Variants in PHF20 observed in about 807,000 individuals in gnomAD.
The protein encoded by PHF20 is glioma-expressed antigen 2.
Under a neutral mutation model 113.5 loss-of-function variants are expected in PHF20, and 23 were observed. That is an observed-to-expected ratio of 0.20 (90% confidence interval 0.15 to 0.29). The LOEUF (loss-of-function observed/expected upper bound fraction) is 0.29. Among genes scored for constraint, PHF20 ranks in the 10% least tolerant of loss-of-function variants. PHF20 has a pLI of 1.00. For missense variants in PHF20, 943 were observed against 1,219.6 expected (o/e 0.77, Z 3.38); for synonymous variants, 434 against 457.3 (o/e 0.95, Z 0.65).
At chr20:35,942,827 CTTTCT>C (rs1215089614) in intron 17 of PHF20, among the ~76,000 whole-genome samples, 4 of 151,866 alleles carry the variant, frequency 2.6e-5, no homozygotes, top group African/African-American at 9.7e-5. Flanking sequence ...AGCTTTCTTT[CTTTCT>C]TTTTTTTTTG....
chr20:35,780,133 A>T (rs772957176), intron 1 of PHF20, among the ~76,000 whole-genome samples: 20 of 151,886 alleles, frequency 1.3e-4, no homozygotes, highest in Non-Finnish European at 2.6e-4. Flanking sequence ...TCCCCTAGAA[A>T]TTTGAGTAAG....
chr20:35,803,268 GAAAAAA>G (rs2041817888), intron 2 of PHF20, among the ~76,000 whole-genome samples: 2 of 145,060 alleles, frequency 1.4e-5, no homozygotes, highest in African/African-American at 2.5e-5. Flanking sequence ...AAAAAAAAAA[GAAAAAA>G]GAAAAAATAA....
At chr20:35,774,248 C>G (rs2041127025) in intron 1 of PHF20, among the ~76,000 whole-genome samples, 1 of 151,980 alleles carries the variant, frequency 6.6e-6, no homozygotes, top group Admixed American at 6.6e-5. Context: ...CCGCGCCCGT[C>G]TAATTTTTTT....
At chr20:35,789,608 G>A (rs1428038144) in intron 1 of PHF20, among the ~76,000 whole-genome samples, 1 of 149,540 alleles carries the variant, frequency 6.7e-6, no homozygotes, top group African/African-American at 2.5e-5. Flanking sequence ...GTGCAGTGGC[G>A]GGATCTCGGC....
chr20:35,891,371 T>A (rs1386235577), intron 9 of PHF20, among the ~76,000 whole-genome samples: 1 of 135,462 alleles, frequency 7.4e-6, no homozygotes, highest in East Asian at 2.1e-4. Flanking sequence ...AGAGAGACTC[T>A]ATGTCAAAAA....
At chr20:35,860,098 T>C (rs2054191484) in intron 5 of PHF20, among the ~76,000 whole-genome samples, 1 of 152,128 alleles carries the variant, frequency 6.6e-6, no homozygotes, top group African/African-American at 2.4e-5. Context: ...TTTGTATTTT[T>C]AGTAGACGGG....
chr20:35,904,409 C>G (rs1276936699), intron 10 of PHF20, among the ~76,000 whole-genome samples: 1 of 151,404 alleles, frequency 6.6e-6, no homozygotes, highest in African/African-American at 2.4e-5. Context: ...CTCAGCCTCC[C>G]AAATAGCTGG....
chr20:35,832,865 T>C (rs976147364), intron 2 of PHF20, among the ~76,000 whole-genome samples: 2 of 152,036 alleles, frequency 1.3e-5, no homozygotes, highest in Admixed American at 1.3e-4. Flanking sequence ...CTGGCCAACA[T>C]AGTGAAACCC....
intron 17 of PHF20, among the ~76,000 whole-genome samples, chr20:35,942,143 G>T (rs1170693352): frequency 6.6e-6 from 1 of 151,958 alleles, no homozygotes; most frequent in African/African-American, 2.4e-5. Context: ...AAGTGTAGGG[G>T]TGTAGTCCCA....
Position 35,838,981 on chromosome 20 carries a change from G to A in PHF20, c.84-3592G>A, listed in dbSNP as rs74822926. On this transcript the variant is annotated intron_variant, in intron 2 of 17. Transcript: ENST00000374012. ...TGCACTCCAGCCTGGGAAACAGAGC[G>A]AGACCCTGTCTCAAAAAAAAAAAAA... is the stretch of plus-strand genomic sequence containing the variant. 3.1e-3 allele frequency among the ~76,000 whole-genome samples: 454 copies of A among 147,570 alleles called. 3 individuals carry two copies. The East Asian group carries it at 0.039, about 13-fold the overall frequency.
At chr20:35,803,704 GTATA>G (rs59158403) in intron 2 of PHF20, among the ~76,000 whole-genome samples, 1 of 149,700 alleles carries the variant, frequency 6.7e-6, no homozygotes, top group Non-Finnish European at 1.5e-5. Context: ...GTGTGTGTGT[GTATA>G]TATATAATAT....
intron 10 of PHF20, among the ~76,000 whole-genome samples, chr20:35,901,051 A>G (rs2055085827): frequency 6.6e-6 from 1 of 152,094 alleles, no homozygotes; most frequent in African/African-American, 2.4e-5. Flanking sequence ...GTGGTTATAC[A>G]GGTGTGTTCA....
At position 35,938,836 on chromosome 20, in the gene PHF20, G is replaced by A. The variant is rs553756514; in HGVS notation, c.2440G>A (p.Gly814Arg). 1.2e-4 allele frequency: 192 copies of A among 1,614,166 alleles called. 4 individuals carry two copies. The South Asian group carries it at 1.9e-3, about 16-fold the overall frequency. ...EEAPSYRTLN[G>R]AVEKPRPLAL... is the part of the protein sequence containing the mutation. ...AGCTCCAAGCTATAGAACTTTGAAC[G>A]GGGCAGTGGAGAAGCCCAGGCCCCT... is the stretch of plus-strand genomic sequence containing the variant. Residue 814 changes from glycine (G) to arginine (R), a missense_variant, in exon 16 of 18, where the codon GGG becomes AGG. By Grantham distance (125) the Gly-to-Arg change is moderately radical. Coordinates refer to ENST00000374012, the MANE Select transcript of PHF20 (RefSeq NM_016436.5).
chr20:35,820,155 AAT>A (rs1198506637), intron 2 of PHF20, among the ~76,000 whole-genome samples: 1 of 152,178 alleles, frequency 6.6e-6, no homozygotes, highest in Non-Finnish European at 1.5e-5. Context: ...CCTGAAATTA[AAT>A]ATATTATGAG....
At chr20:35,877,563 T>C (rs112146116) in intron 9 of PHF20, among the ~76,000 whole-genome samples, 7,227 of 150,994 alleles carry the variant, frequency 0.048, 231 homozygotes, top group African/African-American at 0.098. Flanking sequence ...GATTCTCCTG[T>C]CTCAGCCTCC....
At chr20:35,944,356 C>T (rs1481916496) in intron 17 of PHF20, among the ~76,000 whole-genome samples, 1 of 152,082 alleles carries the variant, frequency 6.6e-6, no homozygotes, top group African/African-American at 2.4e-5. Context: ...CCAGTCTGAG[C>T]GTTGGTGCGC....
rs1158054800 is a variant in PHF20, at chr20:35,947,796, C to T, written c.*169C>T. The T allele has an allele frequency of 8.0e-6, 5 of 628,064 alleles. No homozygotes were observed. Among genetic ancestry groups the T allele is most frequent in the Middle Eastern group, 4.5e-4 (1 of 2,236 alleles). The allele number at this position is 628,064 out of a possible 1,614,324, so 38.9% of individuals were successfully genotyped here. A position where few individuals can be genotyped will look rare whatever the true frequency, so the allele number is the denominator to read the frequency against. On this transcript the variant is annotated 3_prime_UTR_variant, in exon 18 of 18. Coordinates refer to ENST00000374012, the MANE Select transcript of PHF20 (RefSeq NM_016436.5). Reference sequence around the variant, plus strand: ...TTGGACAAAGAGGCCATTTTGGCTGCGGGAGGACACTCTGATCTCGAAGCC... The same window carrying T: ...TTGGACAAAGAGGCCATTTTGGCTGTGGGAGGACACTCTGATCTCGAAGCC...
In PHF20 at chr20:35,866,787, G is replaced by A. The variant is rs2054327356; in HGVS notation, c.809-2651G>A. Among the ~76,000 whole-genome samples the A allele has an allele frequency of 2.6e-5, 4 of 152,160 alleles. No homozygotes were observed. The South Asian group carries it at 8.3e-4, about 31-fold the overall frequency. On this transcript the variant is annotated intron_variant, in intron 6 of 17. Transcript: ENST00000374012. ...CCAACAAGCAGACTGCTCCTTTGAA[G>A]CCACATGACTCCATTGAGATAAGAA...
intron 6 of PHF20, among the ~76,000 whole-genome samples, chr20:35,867,701 A>G (rs1448750271): frequency 6.6e-6 from 1 of 152,018 alleles, no homozygotes; most frequent in Non-Finnish European, 1.5e-5. Flanking sequence ...GCTTCCTCAC[A>G]CTTCAGGCCG....
Sources: gnomAD v4.1 joint callset for allele counts (sites outside exome capture counted in the v4.1 genomes callset) on GRCh38, gnomAD v4.1.1 for gene constraint, MANE v1.5 for transcripts, NCBI Gene and HGNC (gene_info 2026-07-23, HGNC 2026-07-21) for gene names.